Variants in AGO2 observed in about 807,000 individuals in gnomAD.
The protein encoded by AGO2 is argonaute RISC catalytic component 2.
Under a neutral mutation model 102.3 loss-of-function variants are expected in AGO2, and 5 were observed. The observed-to-expected ratio is 0.05, with a 90% CI of 0.03 to 0.10. The LOEUF (loss-of-function observed/expected upper bound fraction) is 0.10, where lower values mean the gene tolerates loss of function less well. Among genes scored for constraint, AGO2 ranks in the 10% least tolerant of loss-of-function variants. AGO2 has a pLI of 1.00. For missense variants in AGO2, 541 were observed against 1,183.7 expected (o/e 0.46, Z 7.97); for synonymous variants, 449 against 473.1 (o/e 0.95, Z 0.66).
chr8:140,560,942 T>C (rs1157602527), intron 4 of AGO2, among the ~76,000 whole-genome samples: 2 of 152,220 alleles, frequency 1.3e-5, no homozygotes, highest in Non-Finnish European at 2.9e-5. Context: ...GCCCCAGCCG[T>C]GGGGAGACGT....
rs564573051 is a variant in AGO2, at chr8:140,625,121, G to A, written c.22+10364C>T. On this transcript the variant is annotated intron_variant, in intron 1 of 18. Coordinates refer to ENST00000220592, the MANE Select transcript of AGO2 (RefSeq NM_012154.5). The stretch of plus-strand genomic sequence containing the variant: ...CTCCTCTGCTCAGTCCCTGCTGCAC[G>A]TCCCTGGTATTGATCTCCCTGCCCT... Among the ~76,000 whole-genome samples the A allele has an allele frequency of 8.5e-5, 13 of 152,248 alleles. No homozygotes were observed. In the South Asian group the frequency reaches 2.7e-3, roughly 32 times the overall value.
Position 140,541,365 on chromosome 8 carries a change from G to C in AGO2, c.1840-7C>G, listed in dbSNP as rs900672358. ...CGTCCATGCTGCCCACCACCTGCAG[G>C]AACAGGCAGTGAGTGTGGTCAGGGG... On this transcript the variant is annotated splice_region_variant and splice_polypyrimidine_tract_variant and intron_variant, in intron 14 of 18. Transcript: ENST00000220592. 6.3e-7 allele frequency: 1 copy of C among 1,595,894 alleles called. No individual in the cohort carries two copies. Among genetic ancestry groups the C allele is most frequent in the Non-Finnish European group, 8.5e-7 (1 of 1,172,696 alleles).
intron 16 of AGO2, among the ~76,000 whole-genome samples, chr8:140,537,969 C>A (rs1230833943): frequency 1.3e-5 from 2 of 152,152 alleles, no homozygotes; most frequent in Non-Finnish European, 2.9e-5. Flanking sequence ...CAGGCGCCCG[C>A]CACCACGCCT....
Position 140,523,888 on chromosome 8 carries a change from C to G in AGO2, c.*8156G>C, listed in dbSNP as rs2072457149. On this transcript the variant is annotated 3_prime_UTR_variant, in exon 19 of 19. Transcript: ENST00000220592. ...CAAGAGGAGCCACCAAGAAGAACTT[C>G]CTAGGTATTTAAGAAATAAGTACAT... is the stretch of plus-strand genomic sequence containing the variant. 1 of 152,144 alleles carries G rather than the reference C, an allele frequency of 6.6e-6. No homozygotes were observed. The allele number at this position is 152,144 out of a possible 1,614,324, so 9.4% of individuals were successfully genotyped here.
At chr8:140,623,374 C>G (rs1396597210) in intron 1 of AGO2, among the ~76,000 whole-genome samples, 1 of 152,124 alleles carries the variant, frequency 6.6e-6, no homozygotes, top group Non-Finnish European at 1.5e-5. Flanking sequence ...GGCTGCACCA[C>G]ACTGTGAATG....
intron 16 of AGO2, among the ~76,000 whole-genome samples, chr8:140,538,735 C>A (rs1203086713): frequency 6.6e-6 from 1 of 152,160 alleles, no homozygotes; most frequent in Non-Finnish European, 1.5e-5. Context: ...TTCAGAGCCA[C>A]CTCTTTTGGT....
intron 1 of AGO2, among the ~76,000 whole-genome samples, chr8:140,587,103 C>T (rs937185427): frequency 3.9e-5 from 6 of 152,114 alleles, no homozygotes; most frequent in African/African-American, 1.2e-4. Flanking sequence ...CAGGCACAGA[C>T]GCAGCTCGAG....
chr8:140,533,872 G>A (rs990143465), intron 17 of AGO2, among the ~76,000 whole-genome samples: 4 of 152,024 alleles, frequency 2.6e-5, no homozygotes, highest in Non-Finnish European at 5.9e-5. Context: ...GAGTGTGAAC[G>A]TGAGTACCAT....
intron 1 of AGO2, among the ~76,000 whole-genome samples, chr8:140,616,009 T>C (rs1588508741): frequency 6.6e-6 from 1 of 152,220 alleles, no homozygotes; most frequent in African/African-American, 2.4e-5. Context: ...TACCCTGTCA[T>C]CAGCGAGCCC....
chr8:140,530,170 A>ACACACC lies in AGO2; in HGVS notation c.*1873_*1874insGGTGTG. 6.6e-6 allele frequency: 1 copy of ACACACC among 151,734 alleles called. No individual in the cohort carries two copies. The highest frequency in any genetic ancestry group is 6.6e-5 in the Admixed American group (1 of 15,226). 9.4% of individuals were successfully genotyped at this position (151,734 alleles called of 1,614,324 possible). On this transcript the variant is annotated 3_prime_UTR_variant, in exon 19 of 19. Coordinates refer to ENST00000220592, the MANE Select transcript of AGO2 (RefSeq NM_012154.5). ...GACACACGCATGCACACACACACACACCACTCTGAGTACACATCTTCACAA... is the reference window on the plus strand; with the variant it reads ...GACACACGCATGCACACACACACACACACACCCCACTCTGAGTACACATCTTCACAA...
chr8:140,551,296 G>A lies in AGO2; in HGVS notation c.1403+7C>T. The A allele has an allele frequency of 6.6e-7, 1 of 1,516,404 alleles. No individual in the cohort carries two copies. The highest frequency in any genetic ancestry group is 8.9e-7 in the Non-Finnish European group (1 of 1,122,376). The allele number at this position is 1,516,404 out of a possible 1,614,324, so 93.9% of individuals were successfully genotyped here. ...CAGGCCGGAGCCTCTGCCTGTGGGGGGCTTACTTCAGATGGACTTCCGTGC... is the reference window on the plus strand; with the variant it reads ...CAGGCCGGAGCCTCTGCCTGTGGGGAGCTTACTTCAGATGGACTTCCGTGC... On this transcript the variant is annotated splice_region_variant and intron_variant, in intron 11 of 18. Transcript: ENST00000220592.
At chr8:140,558,120 G>A (rs2944762) in intron 7 of AGO2, among the ~76,000 whole-genome samples, 33,163 of 152,116 alleles carry the variant, frequency 0.22, 4,803 homozygotes, top group African/African-American at 0.41. Context: ...CCGTAATGAT[G>A]GGACACGCGG....
chr8:140,619,892 C>A (rs749418565), intron 1 of AGO2, among the ~76,000 whole-genome samples: 1 of 152,116 alleles, frequency 6.6e-6, no homozygotes, highest in Non-Finnish European at 1.5e-5. Context: ...AACATGAACG[C>A]GGGGGATAAG....
intron 4 of AGO2, among the ~76,000 whole-genome samples, chr8:140,562,033 A>G (rs1337580096): frequency 1.3e-5 from 2 of 152,200 alleles, no homozygotes; most frequent in Admixed American, 6.5e-5. Context: ...AGTAATCCTG[A>G]GAAAAAGGAC....
At position 140,539,191 on chromosome 8, in the gene AGO2, T is replaced by C; in HGVS notation, c.2169+129A>G. ...AAACCTGGGTCCCCATGAAGCCCCT[T>C]AGAGGACAGAGTCACCCTAGAGCCT... is the stretch of plus-strand genomic sequence containing the variant. On this transcript the variant is annotated intron_variant, in intron 16 of 18. Transcript: ENST00000220592. The surrounding 1 kb of genome is among the most constrained non-coding windows in gnomAD (Gnocchi z 4.7). 1 of 1,346,288 alleles carries C rather than the reference T, an allele frequency of 7.4e-7. No individual in the cohort carries two copies. Among genetic ancestry groups the C allele is most frequent in the South Asian group, 1.5e-5 (1 of 66,060 alleles). The allele number at this position is 1,346,288 out of a possible 1,614,324, so 83.4% of individuals were successfully genotyped here.
intron 10 of AGO2, among the ~76,000 whole-genome samples, chr8:140,552,652 CCTGGGGCTCCAGACAGG>C (rs1250627387): frequency 6.6e-6 from 1 of 152,038 alleles, no homozygotes; most frequent in Non-Finnish European, 1.5e-5. Flanking sequence ...TCACAGACAG[CCTGGGGCTCCAGACAGG>C]GAGTGCACAC....
At chr8:140,569,392 T>C (rs1449034560) in intron 3 of AGO2, among the ~76,000 whole-genome samples, 2 of 152,264 alleles carry the variant, frequency 1.3e-5, no homozygotes, top group Admixed American at 1.3e-4. Flanking sequence ...TTCAGTGAGA[T>C]GTGGGAATAA....
chr8:140,552,464 G>A (rs981227735), intron 10 of AGO2, among the ~76,000 whole-genome samples: 15 of 152,246 alleles, frequency 9.9e-5, no homozygotes, highest in Non-Finnish European at 1.8e-4. Flanking sequence ...GGATGCGGCT[G>A]TGCCTGGGCT....
chr8:140,541,388 G>C, intron 14 of AGO2, 30 bp from the exon 15 acceptor site: 1 of 1,549,630 alleles, frequency 6.5e-7, no homozygotes, highest in Non-Finnish European at 8.7e-7. Context: ...GTGTGGTCAG[G>C]GGTTCCCAAA....
Sources: gnomAD v4.1 joint callset for allele counts (sites outside exome capture counted in the v4.1 genomes callset) on GRCh38, gnomAD v4.1.1 for gene constraint, Gnocchi (gnomAD v3.1) non-coding constraint, MANE v1.5 for transcripts, NCBI Gene and HGNC (gene_info 2026-07-23, HGNC 2026-07-21) for gene names.